Variants in TBC1D22A observed in about 807,000 individuals in gnomAD.
The protein encoded by TBC1D22A is TBC1 domain family member 22A.
Under a neutral mutation model 60.2 loss-of-function variants are expected in TBC1D22A, and 38 were observed. The ratio of observed to expected loss-of-function variants is 0.63; its 90% CI spans 0.49 to 0.83. The LOEUF (loss-of-function observed/expected upper bound fraction) is 0.83. Ranked by LOEUF, TBC1D22A falls within the 40% of genes least tolerant of loss-of-function variation. The pLI is 0.00. For missense variants in TBC1D22A, 628 were observed against 701.0 expected (o/e 0.90, Z 1.18); for synonymous variants, 302 against 281.7 (o/e 1.07, Z -0.72).
intron 12 of TBC1D22A, among the ~76,000 whole-genome samples, chr22:47,140,509 G>A (rs1399194060): frequency 6.7e-6 from 1 of 150,268 alleles, no homozygotes; most frequent in Non-Finnish European, 1.5e-5. Flanking sequence ...CATTGAGATC[G>A]TGCCACTGCA....
At chr22:47,043,034 C>T (rs182747008) in intron 11 of TBC1D22A, among the ~76,000 whole-genome samples, 283 of 152,328 alleles carry the variant, frequency 1.9e-3, no homozygotes, top group Middle Eastern at 3.4e-3. Context: ...GCGCCTGCTC[C>T]GGGTTGGGCC....
At chr22:47,052,347 G>A (rs947019207) in intron 11 of TBC1D22A, among the ~76,000 whole-genome samples, 1 of 152,184 alleles carries the variant, frequency 6.6e-6, no homozygotes, top group African/African-American at 2.4e-5. Flanking sequence ...CAGCCAGGGA[G>A]GCCCCTGGGA....
At chr22:46,906,034 A>G (rs1003848494) in intron 7 of TBC1D22A, among the ~76,000 whole-genome samples, 4 of 152,102 alleles carry the variant, frequency 2.6e-5, no homozygotes, top group African/African-American at 9.7e-5. Flanking sequence ...GGCTCACATT[A>G]GCCTCTCAGC....
chr22:46,960,324 C>T (rs765990702), intron 8 of TBC1D22A, among the ~76,000 whole-genome samples: 2 of 151,866 alleles, frequency 1.3e-5, no homozygotes, highest in Non-Finnish European at 2.9e-5. Context: ...TGCAGCGGCA[C>T]GATATGGGCT....
intron 8 of TBC1D22A, among the ~76,000 whole-genome samples, chr22:46,925,747 A>G (rs888008223): frequency 6.6e-6 from 1 of 152,246 alleles, no homozygotes; most frequent in African/African-American, 2.4e-5. Context: ...ACTACTTTCA[A>G]TAATGGCTAG....
Position 47,152,471 on chromosome 22 carries a change from G to A in TBC1D22A, c.1426-21027G>A, listed in dbSNP as rs542079038. ...GGTCATGGCATCTCAGCTGCTCCCCGCTTCCATGGGATGGTGACCCCTCAG... is the reference window on the plus strand; with the variant it reads ...GGTCATGGCATCTCAGCTGCTCCCCACTTCCATGGGATGGTGACCCCTCAG... On this transcript the variant is annotated intron_variant, in intron 12 of 12. Coordinates refer to ENST00000337137, the MANE Select transcript of TBC1D22A (RefSeq NM_014346.5). Among the ~76,000 whole-genome samples, 5 of 152,260 alleles carry A rather than the reference G, an allele frequency of 3.3e-5. No homozygotes were observed. In the East Asian group the frequency reaches 9.7e-4, roughly 30 times the overall value.
At chr22:46,867,514 A>G (rs549265115) in intron 4 of TBC1D22A, among the ~76,000 whole-genome samples, 1 of 152,372 alleles carries the variant, frequency 6.6e-6, no homozygotes, top group East Asian at 1.9e-4. Flanking sequence ...CTCCACATCG[A>G]TAAATGAGGT....
chr22:47,066,365 G>T (rs1033640784), intron 11 of TBC1D22A, among the ~76,000 whole-genome samples: 2 of 152,144 alleles, frequency 1.3e-5, no homozygotes, highest in Admixed American at 6.5e-5. Context: ...CGGGACGTAC[G>T]TGCGGGACTA....
At chr22:47,117,626 G>T (rs544771885) in intron 12 of TBC1D22A, among the ~76,000 whole-genome samples, 2 of 152,270 alleles carry the variant, frequency 1.3e-5, no homozygotes, top group East Asian at 3.9e-4. Flanking sequence ...GTCTGGCAGC[G>T]GCCGCAGGAG....
chr22:47,070,688 T>C (rs1483932577), intron 11 of TBC1D22A, among the ~76,000 whole-genome samples: 1 of 101,706 alleles, frequency 9.8e-6, no homozygotes, highest in African/African-American at 3.9e-5. Flanking sequence ...GGAGCGGGGC[T>C]GACCTGACGG....
intron 11 of TBC1D22A, among the ~76,000 whole-genome samples, chr22:47,104,298 A>C (rs2065537188): frequency 6.6e-6 from 1 of 151,986 alleles, no homozygotes. Flanking sequence ...ACAGAGTGAG[A>C]CTCTGTCTCA....
chr22:47,092,273 G>T (rs528042386), intron 11 of TBC1D22A, among the ~76,000 whole-genome samples: 24 of 152,310 alleles, frequency 1.6e-4, no homozygotes, highest in South Asian at 8.3e-4. Context: ...CTGATAGATT[G>T]CAGGGGGAAT....
intron 11 of TBC1D22A, among the ~76,000 whole-genome samples, chr22:47,109,151 A>G (rs752798555): frequency 1.3e-5 from 2 of 152,232 alleles, no homozygotes; most frequent in African/African-American, 2.4e-5. Context: ...GTTAGAGGTC[A>G]TAAGTATTTG....
chr22:47,089,287 G>A (rs2064822490), intron 11 of TBC1D22A, among the ~76,000 whole-genome samples: 1 of 152,220 alleles, frequency 6.6e-6, no homozygotes, highest in South Asian at 2.1e-4. Flanking sequence ...TCTGAGAGAA[G>A]CTGTGAAATG....
intron 10 of TBC1D22A, among the ~76,000 whole-genome samples, chr22:47,033,131 T>C (rs2062536635): frequency 6.6e-6 from 1 of 152,242 alleles, no homozygotes; most frequent in Admixed American, 6.5e-5. Flanking sequence ...GAATTCCACG[T>C]GTCAGTGCGC....
intron 8 of TBC1D22A, among the ~76,000 whole-genome samples, chr22:46,931,618 G>A (rs1405887439): frequency 1.3e-5 from 2 of 152,256 alleles, no homozygotes; most frequent in Non-Finnish European, 2.9e-5. Flanking sequence ...AGGAGTTCTT[G>A]TGGTTGGGAG....
chr22:47,025,796 G>A (rs528911548), intron 10 of TBC1D22A, among the ~76,000 whole-genome samples: 2 of 152,336 alleles, frequency 1.3e-5, no homozygotes, highest in East Asian at 3.9e-4. Context: ...CATGCTTAGA[G>A]GGAATCATAT....
intron 12 of TBC1D22A, among the ~76,000 whole-genome samples, chr22:47,142,781 C>T (rs377298938): frequency 8.3e-5 from 7 of 84,426 alleles, no homozygotes; most frequent in Admixed American, 4.0e-4. Context: ...ACCCCCCATT[C>T]ATCCTTCTAT....
chr22:46,924,084 G>C (rs1602504103), intron 8 of TBC1D22A, among the ~76,000 whole-genome samples: 1 of 152,198 alleles, frequency 6.6e-6, no homozygotes, highest in Non-Finnish European at 1.5e-5. Context: ...GCAGACAATT[G>C]TATTTTAGCT....
Sources: allele counts gnomAD v4.1 joint callset (sites outside exome capture counted in the v4.1 genomes callset), GRCh38; gene constraint gnomAD v4.1.1; transcripts MANE v1.5; gene names NCBI Gene and HGNC (gene_info 2026-07-23, HGNC 2026-07-21).